The following KCNIP4 variants were observed in gnomAD, a reference collection of about 807,000 sequenced individuals.
KCNIP4 encodes potassium voltage-gated channel interacting protein 4.
KCNIP4 carries 12 observed loss-of-function variants against 34.0 expected under a neutral mutation model. That is an observed-to-expected ratio of 0.35 (90% CI 0.23 to 0.57). The LOEUF is 0.57. KCNIP4 is among the 20% of genes least tolerant of loss of function. The pLI, the probability that KCNIP4 is intolerant of heterozygous loss-of-function variation, is 0.83. For synonymous variants in KCNIP4, 124 were observed against 102.2 expected, an observed-to-expected ratio of 1.21 and a Z score of -1.29; for missense variants, 238 against 311.7, an observed-to-expected ratio of 0.76 and a Z score of 1.78.
chr4:21,504,829 T>C (rs6830387), intron 1 of KCNIP4, among the ~76,000 whole-genome samples: 30,115 of 152,228 alleles, frequency 0.2, 3,447 homozygotes, highest in Non-Finnish European at 0.27. Context: ...CCTACAAATA[T>C]ATGCATTTTG....
chr4:21,766,557 C>T (rs1432653962), intron 1 of KCNIP4, among the ~76,000 whole-genome samples: 2 of 152,082 alleles, frequency 1.3e-5, no homozygotes, highest in Non-Finnish European at 2.9e-5. Context: ...ACTGGTGAAC[C>T]TAAAATTTTC....
At chr4:20,806,214 T>C (rs947424571) in intron 3 of KCNIP4, among the ~76,000 whole-genome samples, 1 of 152,162 alleles carries the variant, frequency 6.6e-6, no homozygotes, top group Non-Finnish European at 1.5e-5. Flanking sequence ...CTTGCTGTAT[T>C]TTTCCTTCCT....
At chr4:21,561,724 T>C (rs1739499178) in intron 1 of KCNIP4, among the ~76,000 whole-genome samples, 2 of 151,954 alleles carry the variant, frequency 1.3e-5, no homozygotes, top group South Asian at 2.1e-4. Flanking sequence ...GAAAGAATGA[T>C]AGATGCATGG....
At chr4:21,544,100 T>C (rs550699765) in intron 1 of KCNIP4, among the ~76,000 whole-genome samples, 4 of 152,292 alleles carry the variant, frequency 2.6e-5, no homozygotes, top group Admixed American at 2.0e-4. Flanking sequence ...GAGTTCATAT[T>C]TTCCGGATGG....
intron 3 of KCNIP4, among the ~76,000 whole-genome samples, chr4:20,779,576 A>AAC (rs1756672926): frequency 1.2e-5 from 1 of 80,552 alleles, no homozygotes. Context: ...CTGCCCCACA[A>AAC]CCCCCCCCCC....
chr4:21,585,363 G>C (rs1323316532), intron 1 of KCNIP4, among the ~76,000 whole-genome samples: 3 of 151,982 alleles, frequency 2.0e-5, no homozygotes, highest in Admixed American at 6.6e-5. Context: ...GAATAATCAG[G>C]ACATTCTTAT....
chr4:20,729,984 G>A lies in KCNIP4; in HGVS notation c.*98C>T, dbSNP rs1230030946. The A allele has an allele frequency of 2.9e-6, 4 of 1,382,356 alleles. No homozygotes were observed. The highest frequency in any genetic ancestry group is 2.5e-5 in the Admixed American group (1 of 40,496). 85.6% of individuals were successfully genotyped at this position (1,382,356 alleles called of 1,614,324 possible). A position where few individuals can be genotyped will look rare whatever the true frequency, so the allele number is the denominator to read the frequency against. On this transcript the variant is annotated 3_prime_UTR_variant, in exon 9 of 9. Coordinates refer to ENST00000382152, the MANE Select transcript of KCNIP4 (RefSeq NM_025221.6). ...GCTTGTTTGCATAATATGCTTCAGT[G>A]TCAAGCTGAGCAATCTATGCTAAAA... is the stretch of plus-strand genomic sequence containing the variant.
At chr4:20,919,237 G>C (rs1411686271) in intron 1 of KCNIP4, among the ~76,000 whole-genome samples, 1 of 152,154 alleles carries the variant, frequency 6.6e-6, no homozygotes, top group Non-Finnish European at 1.5e-5. Flanking sequence ...TTGGAGAGCA[G>C]AGGCTCTCAT....
At position 20,729,648 on chromosome 4, in the gene KCNIP4, A is replaced by AAATTAATTTAATTTCTGGAAATT. The variant is rs1747397065; in HGVS notation, c.*411_*433dup. On this transcript the variant is annotated 3_prime_UTR_variant, in exon 9 of 9. Coordinates refer to ENST00000382152, the MANE Select transcript of KCNIP4 (RefSeq NM_025221.6). ...ATGGAATTACAGCATTCAAACATGA[A>AAATTAATTTAATTTCTGGAAATT]AATTAATTTAATTTCTGGAAATTAA... 1 of 152,196 alleles carries AAATTAATTTAATTTCTGGAAATT rather than the reference A, an allele frequency of 6.6e-6. No individual in the cohort carries two copies. Among genetic ancestry groups the AAATTAATTTAATTTCTGGAAATT allele is most frequent in the Non-Finnish European group, 1.5e-5 (1 of 68,612 alleles). The allele number at this position is 152,196 out of a possible 1,614,324, so 9.4% of individuals were successfully genotyped here.
chr4:21,657,347 T>C (rs1203131179), intron 1 of KCNIP4, among the ~76,000 whole-genome samples: 1 of 152,232 alleles, frequency 6.6e-6, no homozygotes, highest in African/African-American at 2.4e-5. Context: ...TACAGATCTA[T>C]AGATCATGTG....
chr4:21,212,519 T>C (rs1047028994), intron 1 of KCNIP4, among the ~76,000 whole-genome samples: 4 of 152,222 alleles, frequency 2.6e-5, no homozygotes, highest in African/African-American at 7.2e-5. Flanking sequence ...TTCACGGTTG[T>C]CTTCATCTGT....
intron 6 of KCNIP4, among the ~76,000 whole-genome samples, chr4:20,733,593 T>A (rs1027262681): frequency 6.6e-6 from 1 of 152,170 alleles, no homozygotes; most frequent in Admixed American, 6.6e-5. Flanking sequence ...AAGTAGCAAG[T>A]AGTTTGTTAG....
At chr4:21,112,050 T>TATCTATCC (rs1553940048) in intron 1 of KCNIP4, among the ~76,000 whole-genome samples, 17 of 151,754 alleles carry the variant, frequency 1.1e-4, no homozygotes, top group African/African-American at 2.7e-4. Flanking sequence ...TCTATCTATC[T>TATCTATCC]ATCTATCTAT....
chr4:21,784,785 C>T (rs532584965), intron 1 of KCNIP4, among the ~76,000 whole-genome samples: 1 of 152,228 alleles, frequency 6.6e-6, no homozygotes, highest in South Asian at 2.1e-4. Flanking sequence ...TTTTATTTAT[C>T]TTATCATGAT....
At chr4:21,077,681 A>T (rs1044427228) in intron 1 of KCNIP4, among the ~76,000 whole-genome samples, 10 of 152,190 alleles carry the variant, frequency 6.6e-5, no homozygotes, top group Non-Finnish European at 8.8e-5. Flanking sequence ...TTCTTGCAAG[A>T]ATTAATTAGC....
At chr4:21,787,678 T>G (rs980880582) in intron 1 of KCNIP4, among the ~76,000 whole-genome samples, 3 of 152,228 alleles carry the variant, frequency 2.0e-5, no homozygotes, top group African/African-American at 7.2e-5. Context: ...CTGATTTGCT[T>G]GCCTTCCCAT....
At chr4:21,659,546 T>C (rs1420962262) in intron 1 of KCNIP4, among the ~76,000 whole-genome samples, 1 of 152,218 alleles carries the variant, frequency 6.6e-6, no homozygotes, top group Non-Finnish European at 1.5e-5. Flanking sequence ...TTATTTTTAA[T>C]GCATCAAATA....
intron 1 of KCNIP4, among the ~76,000 whole-genome samples, chr4:21,400,465 T>TACCTC (rs1723388192): frequency 8.5e-6 from 1 of 117,974 alleles, no homozygotes; most frequent in Non-Finnish European, 1.7e-5. Context: ...TTTCTTTCTG[T>TACCTC]TCCTCTCCTC....
chr4:21,486,682 G>A (rs1731944136), intron 1 of KCNIP4, among the ~76,000 whole-genome samples: 1 of 152,050 alleles, frequency 6.6e-6, no homozygotes. Flanking sequence ...AAAAATTTTA[G>A]AATAGTTTTA....
Sources: gnomAD v4.1 joint callset for allele counts (sites outside exome capture counted in the v4.1 genomes callset) on GRCh38, gnomAD v4.1.1 for gene constraint, MANE v1.5 for transcripts, NCBI Gene and HGNC (gene_info 2026-07-23, HGNC 2026-07-21) for gene names.